The following RUNX2 variants were observed in gnomAD, a reference collection of about 807,000 sequenced individuals.
The protein encoded by RUNX2 is runt-related transcription factor 2.
RUNX2 carries 10 observed loss-of-function variants against 51.7 expected under a neutral mutation model. That is an observed-to-expected ratio of 0.19 (90% confidence interval 0.12 to 0.33). The LOEUF (loss-of-function observed/expected upper bound fraction) is 0.33, where lower values mean the gene tolerates loss of function less well. Among genes scored for constraint, RUNX2 ranks in the 10% least tolerant of loss-of-function variants. RUNX2 has a pLI of 1.00. For synonymous variants in RUNX2, 276 were observed against 273.6 expected (o/e 1.01, Z -0.09); for missense variants, 562 against 691.3 (o/e 0.81, Z 2.10).
intron 2 of RUNX2, among the ~76,000 whole-genome samples, chr6:45,408,868 G>C (rs1257209921): frequency 6.6e-6 from 1 of 152,178 alleles, no homozygotes; most frequent in Admixed American, 6.5e-5. Context: ...AACAGCTATG[G>C]AGCTTACTGG....
Position 45,546,967 on chromosome 6 carries a change from C to G in RUNX2, c.1228C>G (p.Leu410Val). Residue 410 changes from leucine to valine, a missense_variant, in exon 9 of 9, where the codon CTC (leucine) becomes GTC (valine). Physicochemically the swap from Leu to Val is conservative, Grantham distance 32. This residue lies in a region of RUNX2 where 304 missense variants were observed against 353.2 expected (regional missense o/e 0.86). Coordinates refer to ENST00000647337, the MANE Select transcript of RUNX2 (RefSeq NM_001024630.4). ...YTPPVTSGMS[L>V]GMSATTHYHT... ...CCCGCCAGTCACCTCAGGCATGTCC[C>G]TCGGTATGTCCGCCACCACTCACTA... The G allele has an allele frequency of 6.2e-7, 1 of 1,613,998 alleles. No homozygotes were observed. The highest frequency in any genetic ancestry group is 8.5e-7 in the Non-Finnish European group (1 of 1,179,990).
intron 3 of RUNX2, among the ~76,000 whole-genome samples, chr6:45,431,460 G>A (rs925783227): frequency 1.3e-5 from 2 of 152,182 alleles, no homozygotes; most frequent in East Asian, 3.9e-4. Context: ...GATGGGATAA[G>A]ACCACACCTC....
At chr6:45,488,134 A>G (rs974671154) in intron 5 of RUNX2, among the ~76,000 whole-genome samples, 6 of 152,192 alleles carry the variant, frequency 3.9e-5, no homozygotes, top group Admixed American at 6.6e-5. Flanking sequence ...GGCCAAGGTT[A>G]TATCAGTAGA....
chr6:45,351,449 G>A (rs1390161378), intron 2 of RUNX2, among the ~76,000 whole-genome samples: 1 of 152,076 alleles, frequency 6.6e-6, no homozygotes, highest in African/African-American at 2.4e-5. Flanking sequence ...AAAGATCACT[G>A]TAACATAGTA....
chr6:45,547,057 A>G lies in RUNX2; in HGVS notation c.1318A>G (p.Ser440Gly). The G allele has an allele frequency of 1.2e-6, 2 of 1,614,082 alleles. No individual in the cohort carries two copies. Among genetic ancestry groups the G allele is most frequent in the African/African-American group, 1.3e-5 (1 of 75,006 alleles). ...AAGCCAGAGTGGACCCTTCCAGACC[A>G]GCAGCACTCCATATCTCTACTATGG... The part of the protein sequence containing the change: ...SQSQSGPFQT[S>G]STPYLYYGTS... The change falls in exon 9 of 9, where the codon AGC (serine) becomes GGC (glycine). Residue 440 changes from serine to glycine, a missense_variant. By Grantham distance (56) the Ser-to-Gly change is moderately conservative. Coordinates refer to ENST00000647337, the MANE Select transcript of RUNX2 (RefSeq NM_001024630.4).
At chr6:45,475,891 C>T (rs778390111) in intron 5 of RUNX2, among the ~76,000 whole-genome samples, 30 of 152,168 alleles carry the variant, frequency 2.0e-4, no homozygotes, top group Admixed American at 3.3e-4. Context: ...CATTACAAAA[C>T]GATGATAATC....
At chr6:45,389,135 T>G (rs1322798792) in intron 2 of RUNX2, among the ~76,000 whole-genome samples, 50 of 152,358 alleles carry the variant, frequency 3.3e-4, no homozygotes, top group Non-Finnish European at 1.5e-5. Flanking sequence ...AGTGAACAAA[T>G]AGTAAATAAA....
chr6:45,356,203 G>A (rs895174810), intron 2 of RUNX2, among the ~76,000 whole-genome samples: 10 of 151,826 alleles, frequency 6.6e-5, no homozygotes, highest in African/African-American at 2.4e-4. Context: ...AAGGCATATG[G>A]TATTTCACAG....
At chr6:45,407,050 T>C (rs998854095) in intron 2 of RUNX2, among the ~76,000 whole-genome samples, 1 of 152,208 alleles carries the variant, frequency 6.6e-6, no homozygotes, top group African/African-American at 2.4e-5. Flanking sequence ...CCTGATCTGA[T>C]CTCTGAACCA....
At chr6:45,523,663 G>T (rs1277313522) in intron 7 of RUNX2, among the ~76,000 whole-genome samples, 1 of 151,962 alleles carries the variant, frequency 6.6e-6, no homozygotes, top group African/African-American at 2.4e-5. Flanking sequence ...AGGCTGGTGC[G>T]GTGGCTCACG....
chr6:45,429,868 C>T (rs112084677), intron 3 of RUNX2, among the ~76,000 whole-genome samples: 3,835 of 151,878 alleles, frequency 0.025, 72 homozygotes, highest in Non-Finnish European at 0.038. Flanking sequence ...CTGAGGCGGG[C>T]GGATCACCTG....
intron 2 of RUNX2, among the ~76,000 whole-genome samples, chr6:45,375,691 G>A (rs1796678697): frequency 6.6e-6 from 1 of 152,096 alleles, no homozygotes; most frequent in East Asian, 1.9e-4. Context: ...TTACAAGCAT[G>A]AGCCAACGTG....
At chr6:45,484,875 TAGC>T (rs1800221573) in intron 5 of RUNX2, among the ~76,000 whole-genome samples, 1 of 152,220 alleles carries the variant, frequency 6.6e-6, no homozygotes, top group African/African-American at 2.4e-5. Context: ...TGCTGTGGAA[TAGC>T]AGCTCTGTGG....
At chr6:45,374,172 T>C (rs1415945840) in intron 2 of RUNX2, among the ~76,000 whole-genome samples, 1 of 152,182 alleles carries the variant, frequency 6.6e-6, no homozygotes, top group East Asian at 1.9e-4. Context: ...TTAACTGAAA[T>C]GACAAAAGAA....
intron 7 of RUNX2, among the ~76,000 whole-genome samples, chr6:45,531,614 G>A (rs552196211): frequency 2.9e-4 from 44 of 152,066 alleles, no homozygotes; most frequent in Admixed American, 9.2e-4. Context: ...TTAGCCAGGC[G>A]TGGTGGTGCG....
intron 2 of RUNX2, chr6:45,377,660 GC>G (rs948041118): frequency 3.3e-5 from 5 of 152,196 alleles, no homozygotes; most frequent in Non-Finnish European, 5.9e-5. Flanking sequence ...CCAGGGCGTG[GC>G]CGGCGCGGGG....
intron 2 of RUNX2, among the ~76,000 whole-genome samples, chr6:45,334,128 T>C (rs1788068150): frequency 6.6e-6 from 1 of 151,254 alleles, no homozygotes; most frequent in Non-Finnish European, 1.5e-5. Flanking sequence ...TAATTATACA[T>C]TAGTTACATC....
intron 2 of RUNX2, among the ~76,000 whole-genome samples, chr6:45,388,544 GA>G (rs1371611381): frequency 6.6e-6 from 1 of 152,192 alleles, no homozygotes; most frequent in Non-Finnish European, 1.5e-5. Flanking sequence ...TTGTCCAGGT[GA>G]TTTTGAAGTA....
intron 2 of RUNX2, among the ~76,000 whole-genome samples, chr6:45,403,896 G>A (rs1308777206): frequency 6.6e-6 from 1 of 152,112 alleles, no homozygotes; most frequent in Non-Finnish European, 1.5e-5. Flanking sequence ...TGGGCTGGAT[G>A]GTGTGGGGAG....
Sources: gnomAD v4.1 joint callset for allele counts (sites outside exome capture counted in the v4.1 genomes callset) on GRCh38, gnomAD v4.1.1 for gene constraint, gnomAD v4.1.1 regional missense constraint, MANE v1.5 for transcripts, NCBI Gene and HGNC (gene_info 2026-07-23, HGNC 2026-07-21) for gene names.